KIF22: variants seen among roughly 807,000 people sequenced by gnomAD.
KIF22 encodes the protein kinesin family member 22.
Under a neutral mutation model 73.0 loss-of-function variants are expected in KIF22, and 62 were observed. The observed-to-expected ratio is 0.85, with a 90% CI of 0.69 to 1.05. KIF22 has a LOEUF of 1.05. Ranked by LOEUF, KIF22 falls within the 50% of genes least tolerant of loss-of-function variation. The pLI is 0.00. For synonymous variants in KIF22, 411 were observed against 340.1 expected (o/e 1.21, Z -2.29); for missense variants, 854 against 870.1 (o/e 0.98, Z 0.23).
rs1898980995 is a variant in KIF22, at chr16:29,797,469, T to A, written c.266+381T>A. 6.6e-6 allele frequency among the ~76,000 whole-genome samples: 1 copy of A among 152,020 alleles called. No homozygotes were observed. The highest frequency in any genetic ancestry group is 6.6e-5 in the Admixed American group (1 of 15,264). On this transcript the variant is annotated intron_variant, in intron 2 of 13. Coordinates refer to ENST00000160827, the MANE Select transcript of KIF22 (RefSeq NM_007317.3). The surrounding 1 kb of genome is among the most constrained non-coding windows in gnomAD (Gnocchi z 4.1). ...GACCACCCAGATTTGGGGACAGAACTCAGAAGGGCAGCTACTTTATAATCC... is the reference window on the plus strand; with the variant it reads ...GACCACCCAGATTTGGGGACAGAACACAGAAGGGCAGCTACTTTATAATCC...
chr16:29,791,033 C>T, intron 1 of KIF22: 1 of 1,431,550 alleles, frequency 7.0e-7, no homozygotes, highest in Non-Finnish European at 9.2e-7. Flanking sequence ...CCTGCTCTCC[C>T]CTTGGGTCAG....
At position 29,790,832 on chromosome 16, in the gene KIF22, A is replaced by G; in HGVS notation, c.70+3A>G. 1 of 1,599,756 alleles carries G rather than the reference A, an allele frequency of 6.3e-7. No individual in the cohort carries two copies. The highest frequency in any genetic ancestry group is 1.3e-5 in the African/African-American group (1 of 74,792). ...AGCTTCAGCGGCGGCGATCTCAGGT[A>G]CTTGAGCCCGGCCTGGGCAAGGCGG... On this transcript the variant is annotated splice_donor_region_variant and intron_variant, in intron 1 of 13. Coordinates refer to ENST00000160827, the MANE Select transcript of KIF22 (RefSeq NM_007317.3).
chr16:29,803,629 T>TGGG, intron 10 of KIF22, 21 bp downstream of exon 10: 1 of 1,588,326 alleles, frequency 6.3e-7, no homozygotes, highest in Non-Finnish European at 8.6e-7. Context: ...CTCCAGGGGC[T>TGGG]GGGGGGCCAA....
At position 29,804,822 on chromosome 16, in the gene KIF22, C is replaced by T. The variant is rs1899297782; in HGVS notation, c.1686C>T (p.Ser562=). Residue 562 remains serine (S), a synonymous_variant, in exon 12 of 14, where the codon TCC becomes TCT. Coordinates refer to ENST00000160827, the MANE Select transcript of KIF22 (RefSeq NM_007317.3). ...KNKGRKRKLE[S]LDALEPEEKA... ...CTCCCTTTGCCTCCCAGCTGGAGTC[C>T]CTGGATGCCCTAGAGCCTGAGGAGA... 6.2e-7 allele frequency: 1 copy of T among 1,607,634 alleles called. No homozygotes were observed. Among genetic ancestry groups the T allele is most frequent in the African/African-American group, 1.3e-5 (1 of 74,830 alleles).
chr16:29,797,037 G>T lies in KIF22; in HGVS notation c.215G>T (p.Cys72Phe), dbSNP rs765731818. 1.2e-6 allele frequency: 2 copies of T among 1,610,398 alleles called. No homozygotes were observed. The highest frequency in any genetic ancestry group is 8.5e-7 in the Non-Finnish European group (1 of 1,177,626). ...CCCTGTGTGCGGGGCATGGACAGCT[G>T]CTCTCTAGAGATTGCTAACTGGAGG... ...DPPCVRGMDS[C>F]SLEIANWRNH... The change falls in exon 2 of 14, where the codon TGC becomes TTC. Residue 72 changes from cysteine to phenylalanine, a missense_variant. Cys to Phe is a radical substitution (Grantham distance 205). Around this residue, in one of 3 missense-constraint regions of KIF22, gnomAD observed 186 missense variants for 152.9 expected, o/e 1.22. Transcript: ENST00000160827. This position sits in a 1 kb window ranked among gnomAD's most constrained non-coding sequence, Gnocchi z 4.1.
intron 1 of KIF22, among the ~76,000 whole-genome samples, chr16:29,794,533 CTACT>C (rs1259459689): frequency 2.6e-5 from 4 of 152,136 alleles, no homozygotes; most frequent in Admixed American, 2.6e-4. Flanking sequence ...ATGAACCTAC[CTACT>C]ATGTGCTAGT....
In KIF22 at chr16:29,805,156, G is replaced by C; in HGVS notation, c.1932G>C (p.Gln644His). The change falls in exon 13 of 14, where the codon CAG (glutamine) becomes CAC (histidine). Residue 644 changes from glutamine (Q) to histidine (H), a missense_variant. This residue lies in a region of KIF22 where 423 missense variants were observed against 365.4 expected (regional missense o/e 1.16). Coordinates refer to ENST00000160827, the MANE Select transcript of KIF22 (RefSeq NM_007317.3). Reference protein sequence around the residue: ...LERVEGITGKQMESFLKANIL... With the variant: ...LERVEGITGKHMESFLKANIL... Reference sequence around the variant, plus strand: ...GCGTGGAGGGCATAACGGGGAAACAGATGGAGTCCTTCCTGAAGGTGAAGT... The same window carrying C: ...GCGTGGAGGGCATAACGGGGAAACACATGGAGTCCTTCCTGAAGGTGAAGT... 6.2e-7 allele frequency: 1 copy of C among 1,614,008 alleles called. No individual in the cohort carries two copies. Among genetic ancestry groups the C allele is most frequent in the Non-Finnish European group, 8.5e-7 (1 of 1,180,016 alleles).
intron 8 of KIF22, among the ~76,000 whole-genome samples, chr16:29,802,499 T>A (rs999430746): frequency 1.3e-5 from 2 of 152,070 alleles, no homozygotes; most frequent in Admixed American, 6.6e-5. Flanking sequence ...GGTCTCTTGA[T>A]TTCCTCAGTA....
chr16:29,796,849 C>T, intron 1 of KIF22, 44 bp from the exon 2 acceptor site: 1 of 1,596,940 alleles, frequency 6.3e-7, no homozygotes, highest in Non-Finnish European at 8.6e-7. Flanking sequence ...GCTTCTTCTG[C>T]TACCACCATA....
At position 29,803,515 on chromosome 16, in the gene KIF22, A is replaced by T. The variant is rs770626262; in HGVS notation, c.1516A>T (p.Asn506Tyr). The T allele has an allele frequency of 1.2e-6, 2 of 1,614,072 alleles. No homozygotes were observed. The highest frequency in any genetic ancestry group is 2.7e-5 in the African/African-American group (2 of 74,940). Residue 506 changes from asparagine to tyrosine, a missense_variant, in exon 10 of 14, where the codon AAC (asparagine) becomes TAC (tyrosine). Physicochemically the swap from Asn to Tyr is moderately radical, Grantham distance 143. This residue lies in a region of KIF22 where 423 missense variants were observed against 365.4 expected (regional missense o/e 1.16). Coordinates refer to ENST00000160827, the MANE Select transcript of KIF22 (RefSeq NM_007317.3). ...GGCCCAGAAGGCTGAGGAAAAGGAG[A>T]ACCATTGTCCCACAATGCTCCGGCC... ...MLAQKAEEKE[N>Y]HCPTMLRPLS...
At position 29,796,630 on chromosome 16, in the gene KIF22, G is replaced by A. The variant is rs141023082; in HGVS notation, c.71-263G>A. ...ATCTCGGGCATCACCCCAGGGAGAC[G>A]GAGACCAAATCCACATTTTCACAAG... On this transcript the variant is annotated intron_variant, in intron 1 of 13. Transcript: ENST00000160827. 5.7e-4 allele frequency among the ~76,000 whole-genome samples: 86 copies of A among 151,978 alleles called. No homozygotes were observed. The East Asian group carries it at 0.013, about 24-fold the overall frequency.
At chr16:29,791,572 CAG>C (rs1465772465) in intron 1 of KIF22, 1 of 152,198 alleles carries the variant, frequency 6.6e-6, no homozygotes, top group African/African-American at 2.4e-5. Context: ...CGTGGGGAAA[CAG>C]ACATTTAGGA....
chr16:29,805,322 T>A lies in KIF22; in HGVS notation c.*12T>A. ...GTGGCGCCTCCTGACCGTCGTCTCCTCACTCCGCCTTTTCAAATTTTTGTA... is the reference window on the plus strand; with the variant it reads ...GTGGCGCCTCCTGACCGTCGTCTCCACACTCCGCCTTTTCAAATTTTTGTA... On this transcript the variant is annotated 3_prime_UTR_variant, in exon 14 of 14. Transcript: ENST00000160827. 6.2e-7 allele frequency: 1 copy of A among 1,612,080 alleles called. No homozygotes were observed. Among genetic ancestry groups the A allele is most frequent in the Non-Finnish European group, 8.5e-7 (1 of 1,179,764 alleles).
Position 29,798,566 on chromosome 16 carries a change from TCA to T in KIF22, c.395-24_395-23del, listed in dbSNP as rs757801040. ...GGCTGGGGAAACGGAGAGGAAAACC[TCA>T]CAGTTTTCTCCACTCTCTTCCCAGG... is the stretch of plus-strand genomic sequence containing the variant. On this transcript the variant is annotated intron_variant, in intron 3 of 13. Transcript: ENST00000160827. This position sits in a 1 kb window ranked among gnomAD's most constrained non-coding sequence, Gnocchi z 4.1. 3.1e-6 allele frequency: 5 copies of T among 1,613,660 alleles called. No individual in the cohort carries two copies. Among genetic ancestry groups the T allele is most frequent in the Non-Finnish European group, 4.2e-6 (5 of 1,179,816 alleles).
At chr16:29,796,322 C>T (rs985839630) in intron 1 of KIF22, among the ~76,000 whole-genome samples, 5 of 150,512 alleles carry the variant, frequency 3.3e-5, no homozygotes, top group East Asian at 1.9e-4. Context: ...TCTGGCAGTT[C>T]GCTCTCTGGT....
At position 29,797,011 on chromosome 16, in the gene KIF22, C is replaced by A. The variant is rs748768577; in HGVS notation, c.189C>A (p.Pro63=). ...FVDGTAGASD[P]PCVRGMDSCS... ...ATGGAACAGCGGGAGCAAGTGATCC[C>A]CCCTGTGTGCGGGGCATGGACAGCT... The change falls in exon 2 of 14, where the codon CCC becomes CCA. Residue 63 remains proline (P), a synonymous_variant. Coordinates refer to ENST00000160827, the MANE Select transcript of KIF22 (RefSeq NM_007317.3). This position sits in a 1 kb window ranked among gnomAD's most constrained non-coding sequence, Gnocchi z 4.1. 3.1e-6 allele frequency: 5 copies of A among 1,613,904 alleles called. 1 individual carries two copies. The South Asian group carries it at 5.5e-5, about 18-fold the overall frequency.
intron 11 of KIF22, chr16:29,804,352 CCT>C: frequency 1.7e-6 from 1 of 602,120 alleles, no homozygotes; most frequent in Non-Finnish European, 3.0e-6. Context: ...GGAACTATGA[CCT>C]AAGCAGTCAA....
intron 11 of KIF22, 54 bp from the exon 12 acceptor site, chr16:29,804,760 G>A (rs1460269405): frequency 4.9e-6 from 7 of 1,419,928 alleles, no homozygotes; most frequent in East Asian, 2.5e-5. Flanking sequence ...CTTGGCAGAG[G>A]AGCCCAAAGC....
intron 1 of KIF22, among the ~76,000 whole-genome samples, chr16:29,792,280 G>C (rs974746356): frequency 3.9e-5 from 6 of 152,190 alleles, no homozygotes; most frequent in Non-Finnish European, 7.3e-5. Flanking sequence ...CCAAGCTCAA[G>C]GTTGCTTTTA....
Sources: gnomAD v4.1 joint callset for allele counts (sites outside exome capture counted in the v4.1 genomes callset) on GRCh38, gnomAD v4.1.1 for gene constraint, gnomAD v4.1.1 regional missense constraint, Gnocchi (gnomAD v3.1) non-coding constraint, MANE v1.5 for transcripts, NCBI Gene and HGNC (gene_info 2026-07-23, HGNC 2026-07-21) for gene names.